The following XRCC4 variants were observed in gnomAD, a reference collection of about 807,000 sequenced individuals.
XRCC4 encodes the protein X-ray repair cross complementing 4.
In XRCC4, 28 loss-of-function variants were observed where a neutral mutation model predicts 39.1. The ratio of observed to expected loss-of-function variants is 0.72; its 90% confidence interval spans 0.53 to 0.98. The LOEUF is 0.98. Among genes scored for constraint, XRCC4 ranks in the 50% least tolerant of loss-of-function variants. XRCC4 has a pLI of 0.00. For synonymous variants in XRCC4, 123 were observed against 126.4 expected, an observed-to-expected ratio of 0.97 and a Z score of 0.18; for missense variants, 350 against 376.4, an observed-to-expected ratio of 0.93 and a Z score of 0.58.
chr5:83,148,717 G>T (rs1259472765), intron 3 of XRCC4, among the ~76,000 whole-genome samples: 2 of 151,966 alleles, frequency 1.3e-5, no homozygotes, highest in African/African-American at 4.8e-5. Context: ...GTTATGCATT[G>T]TATTAGGTGC....
chr5:83,203,085 G>A (rs1751276456), intron 4 of XRCC4, among the ~76,000 whole-genome samples: 1 of 151,994 alleles, frequency 6.6e-6, no homozygotes. Context: ...AACTGGATAA[G>A]TCGTGTTCTT....
chr5:83,134,702 G>A (rs367636152), intron 3 of XRCC4, among the ~76,000 whole-genome samples: 13 of 152,270 alleles, frequency 8.5e-5, no homozygotes, highest in Non-Finnish European at 1.3e-4. Context: ...GTACCCTTGC[G>A]TGTTGTGGAA....
chr5:83,244,552 A>C (rs1391851152), intron 6 of XRCC4, among the ~76,000 whole-genome samples: 1 of 143,786 alleles, frequency 7.0e-6, no homozygotes, highest in Admixed American at 7.2e-5. Context: ...GCAGCTTAAT[A>C]TGCATCCAAT....
chr5:83,121,792 C>T (rs759889948), intron 3 of XRCC4, among the ~76,000 whole-genome samples: 24 of 152,068 alleles, frequency 1.6e-4, no homozygotes, highest in African/African-American at 2.2e-4. Flanking sequence ...TGCAGACTTA[C>T]GCTTTCATGC....
chr5:83,279,171 G>T (rs1445113873), intron 7 of XRCC4, among the ~76,000 whole-genome samples: 7 of 149,506 alleles, frequency 4.7e-5, no homozygotes, highest in Admixed American at 1.3e-4. Context: ...TGAAAAATAG[G>T]GATGCATAGT....
chr5:83,316,046 G>A (rs1755870795), intron 7 of XRCC4, among the ~76,000 whole-genome samples: 1 of 146,400 alleles, frequency 6.8e-6, no homozygotes, highest in South Asian at 2.1e-4. Flanking sequence ...ATTCATGGGA[G>A]GTGGTAAAAT....
At chr5:83,229,892 TTAAA>T (rs1297802479) in intron 6 of XRCC4, among the ~76,000 whole-genome samples, 9 of 151,984 alleles carry the variant, frequency 5.9e-5, no homozygotes, top group Admixed American at 2.6e-4. Context: ...TTATTGAAAA[TTAAA>T]TAAAGTGTGA....
intron 7 of XRCC4, among the ~76,000 whole-genome samples, chr5:83,263,297 G>A (rs1361257577): frequency 2.6e-5 from 4 of 151,854 alleles, no homozygotes; most frequent in African/African-American, 9.7e-5. Flanking sequence ...CAATGCCGCA[G>A]TAAACATACA....
chr5:83,144,271 G>A (rs1413529101), intron 3 of XRCC4, among the ~76,000 whole-genome samples: 1 of 113,794 alleles, frequency 8.8e-6, no homozygotes, highest in African/African-American at 4.9e-5. Flanking sequence ...ATTCCTCTGT[G>A]TGTGTGTGTG....
the XRCC4 span, among the ~76,000 whole-genome samples, chr5:83,371,435 G>C: frequency 6.6e-6 from 1 of 152,052 alleles, no homozygotes; most frequent in African/African-American, 2.4e-5. Flanking sequence ...AAGTCTTCCT[G>C]AATGAATACA....
chr5:83,283,265 A>T (rs1163928868), intron 7 of XRCC4, among the ~76,000 whole-genome samples: 1 of 152,194 alleles, frequency 6.6e-6, no homozygotes, highest in Non-Finnish European at 1.5e-5. Context: ...TGAAGAAACT[A>T]TGTCCAAAAT....
intron 6 of XRCC4, among the ~76,000 whole-genome samples, chr5:83,242,052 A>G (rs1014826041): frequency 5.4e-5 from 8 of 147,310 alleles, no homozygotes; most frequent in African/African-American, 2.0e-4. Context: ...AAGGGGAAGC[A>G]GGAGAGGCAG....
intron 3 of XRCC4, among the ~76,000 whole-genome samples, chr5:83,178,654 G>A (rs538246163): frequency 6.6e-6 from 1 of 152,270 alleles, no homozygotes; most frequent in South Asian, 2.1e-4. Context: ...GAAGGCAGTA[G>A]TAAAGGGGGA....
At chr5:83,232,777 TA>T (rs1418548330) in intron 6 of XRCC4, among the ~76,000 whole-genome samples, 1 of 152,184 alleles carries the variant, frequency 6.6e-6, no homozygotes, top group Non-Finnish European at 1.5e-5. Context: ...GAAAGTGAAC[TA>T]ACATTGACTT....
At chr5:83,138,136 T>C (rs1471376084) in intron 3 of XRCC4, among the ~76,000 whole-genome samples, 1 of 152,136 alleles carries the variant, frequency 6.6e-6, no homozygotes, top group African/African-American at 2.4e-5. Context: ...CATGATGCCA[T>C]TGGGGTGATG....
intron 3 of XRCC4, among the ~76,000 whole-genome samples, chr5:83,130,700 G>C (rs1454225524): frequency 6.6e-6 from 1 of 152,116 alleles, no homozygotes; most frequent in Admixed American, 6.6e-5. Flanking sequence ...AGTCTTGGGA[G>C]GGTGTATGTG....
intron 1 of XRCC4, among the ~76,000 whole-genome samples, chr5:83,081,895 C>T (rs1249096613): frequency 6.6e-6 from 1 of 152,092 alleles, no homozygotes; most frequent in Non-Finnish European, 1.5e-5. Flanking sequence ...TGTCCCAGAC[C>T]GAACTCCTTT....
intron 3 of XRCC4, among the ~76,000 whole-genome samples, chr5:83,187,516 A>G (rs145971540): frequency 3.9e-5 from 6 of 152,300 alleles, no homozygotes; most frequent in African/African-American, 1.4e-4. Flanking sequence ...TACCACATTC[A>G]GGAATATTTT....
intron 6 of XRCC4, among the ~76,000 whole-genome samples, chr5:83,247,344 C>T (rs531780088): frequency 1.5e-4 from 23 of 152,178 alleles, no homozygotes; most frequent in South Asian, 2.1e-4. Context: ...GGAACTGGGC[C>T]GCACAGCAGT....
Sources: allele counts gnomAD v4.1 joint callset (sites outside exome capture counted in the v4.1 genomes callset), GRCh38; gene constraint gnomAD v4.1.1; transcripts MANE v1.5; gene names NCBI Gene and HGNC (gene_info 2026-07-23, HGNC 2026-07-21).